The following SLC44A1 variants were observed in gnomAD, a reference collection of about 807,000 sequenced individuals.
The protein encoded by SLC44A1 is choline transporter-like protein 1.
SLC44A1 carries 26 observed loss-of-function variants against 79.3 expected under a neutral mutation model. The ratio of observed to expected loss-of-function variants is 0.33; its 90% CI spans 0.24 to 0.46. SLC44A1 has a LOEUF of 0.46. Ranked by LOEUF, SLC44A1 falls within the 20% of genes least tolerant of loss-of-function variation. The probability of loss-of-function intolerance (pLI) is 1.00; values close to 1 mark genes in which losing one functional copy is unlikely to be tolerated. For synonymous variants in SLC44A1, 263 were observed against 286.2 expected (o/e 0.92, Z 0.82); for missense variants, 688 against 798.1 (o/e 0.86, Z 1.66).
chr9:105,285,243 C>T (rs891315339), intron 1 of SLC44A1, among the ~76,000 whole-genome samples: 3 of 152,074 alleles, frequency 2.0e-5, no homozygotes, highest in Non-Finnish European at 2.9e-5. Flanking sequence ...AAGTGTTTTA[C>T]AGAATTTAGG....
chr9:105,263,554 G>A (rs74429277), intron 1 of SLC44A1, among the ~76,000 whole-genome samples: 1 of 71,306 alleles, frequency 1.4e-5, no homozygotes, highest in Admixed American at 1.5e-4. Flanking sequence ...TTTTTTTTTT[G>A]AGATGGAATT....
intron 2 of SLC44A1, chr9:105,299,603 C>T: frequency 3.6e-6 from 1 of 278,976 alleles, no homozygotes; most frequent in Non-Finnish European, 6.3e-6. Context: ...ATGAGCCCTG[C>T]ATATTCACCC....
chr9:105,315,007 C>G lies in SLC44A1; in HGVS notation c.269+5141C>G, dbSNP rs189650631. On this transcript the variant is annotated intron_variant, in intron 3 of 15. Transcript: ENST00000374720. ...CAGTCGGTGCTCTTCGCATCATACA[C>G]TAAAATAGATCTGGTGAGCTGTATG... is the stretch of plus-strand genomic sequence containing the variant. 5.1e-4 allele frequency among the ~76,000 whole-genome samples: 78 copies of G among 152,318 alleles called. 1 individual carries two copies. The highest frequency in any genetic ancestry group is 1.9e-3 in the African/African-American group (77 of 41,582).
intron 1 of SLC44A1, among the ~76,000 whole-genome samples, chr9:105,293,366 C>G (rs375635581): frequency 2.0e-4 from 30 of 152,304 alleles, no homozygotes; most frequent in African/African-American, 7.0e-4. Flanking sequence ...GCAGTAAGCA[C>G]AGAGTATGAA....
chr9:105,283,489 T>C (rs2131258464), intron 1 of SLC44A1, among the ~76,000 whole-genome samples: 1 of 152,144 alleles, frequency 6.6e-6, no homozygotes, highest in East Asian at 1.9e-4. Flanking sequence ...TTTATTTTGC[T>C]AGATTTAAAG....
At chr9:105,246,221 G>A (rs1829442676) in intron 1 of SLC44A1, among the ~76,000 whole-genome samples, 1 of 152,172 alleles carries the variant, frequency 6.6e-6, no homozygotes, top group Admixed American at 6.5e-5. Context: ...TTTTGCTGCT[G>A]CTAAATGACT....
intron 3 of SLC44A1, among the ~76,000 whole-genome samples, chr9:105,320,060 C>G (rs142254757): frequency 3.7e-4 from 56 of 152,138 alleles, no homozygotes; most frequent in Admixed American, 8.5e-4. Context: ...ATCTGCTTTT[C>G]GTAGTATAGT....
chr9:105,396,687 G>A lies in SLC44A1; in HGVS notation c.*7631G>A. 1.0e-6 allele frequency: 1 copy of A among 984,712 alleles called. No homozygotes were observed. Among genetic ancestry groups the A allele is most frequent in the Non-Finnish European group, 1.2e-6 (1 of 829,710 alleles). The allele number at this position is 984,712 out of a possible 1,614,324, so 61.0% of individuals were successfully genotyped here. ...AATGTGGCATGAGAAGTATGTTTTG[G>A]TGCCACATATTTCTCAATCTGATGC... is the stretch of plus-strand genomic sequence containing the variant. On this transcript the variant is annotated 3_prime_UTR_variant, in exon 16 of 16. Transcript: ENST00000374720.
chr9:105,370,617 T>C (rs1828066770), intron 12 of SLC44A1, among the ~76,000 whole-genome samples: 2 of 152,160 alleles, frequency 1.3e-5, no homozygotes, highest in Admixed American at 6.5e-5. Flanking sequence ...GAAATGAAGC[T>C]TCTAAAAACT....
chr9:105,400,131 G>A (rs35322610), downstream of SLC44A1, among the ~76,000 whole-genome samples: 2,356 of 152,180 alleles, frequency 0.015, 29 homozygotes, highest in Non-Finnish European at 0.024. Context: ...GGAGGCATAC[G>A]TTGCGGTGAG....
intron 1 of SLC44A1, among the ~76,000 whole-genome samples, chr9:105,297,515 C>T (rs921642864): frequency 2.0e-5 from 3 of 152,146 alleles, no homozygotes; most frequent in African/African-American, 4.8e-5. Context: ...TCCCAAGTAG[C>T]TGGGATTACT....
chr9:105,422,490 T>C (rs956899480), intron 15 of SLC44A1, among the ~76,000 whole-genome samples: 3 of 151,950 alleles, frequency 2.0e-5, no homozygotes, highest in African/African-American at 7.3e-5. Flanking sequence ...GGTTTCACCA[T>C]GTTGGCCAGG....
intron 6 of SLC44A1, among the ~76,000 whole-genome samples, chr9:105,357,769 C>T (rs1321129240): frequency 1.3e-5 from 2 of 152,098 alleles, no homozygotes; most frequent in Non-Finnish European, 2.9e-5. Context: ...AGAGGAAATT[C>T]GGCCATAGTA....
At chr9:105,431,663 C>T (rs1399314018) in intron 15 of SLC44A1, among the ~76,000 whole-genome samples, 2 of 152,028 alleles carry the variant, frequency 1.3e-5, no homozygotes, top group East Asian at 3.9e-4. Context: ...TCCATAGAGA[C>T]AAAAAGACAA....
At chr9:105,423,231 G>A (rs972897632) in intron 15 of SLC44A1, among the ~76,000 whole-genome samples, 2 of 151,936 alleles carry the variant, frequency 1.3e-5, no homozygotes, top group African/African-American at 2.4e-5. Context: ...ACCTGAGGTC[G>A]GGTGGGCGGA....
chr9:105,244,867 C>A lies in SLC44A1; in HGVS notation c.-2C>A, dbSNP rs1829387514. The A allele has an allele frequency of 8.7e-7, 1 of 1,155,432 alleles. No homozygotes were observed. Among genetic ancestry groups the A allele is most frequent in the Non-Finnish European group, 1.1e-6 (1 of 940,464 alleles). 71.6% of individuals were successfully genotyped at this position (1,155,432 alleles called of 1,614,324 possible). A position where few individuals can be genotyped will look rare whatever the true frequency, so the allele number is the denominator to read the frequency against. On this transcript the variant is annotated 5_prime_UTR_variant, in exon 1 of 16. Coordinates refer to ENST00000374720, the MANE Select transcript of SLC44A1 (RefSeq NM_080546.5). ...CCGCCTCCGGGCTCCTTCGGCCCCG[C>A]CATGGGCTGCTGCAGCTCCGCCTCC...
rs996705541 is a variant in SLC44A1, at chr9:105,396,846, G to T, written c.*7790G>T. ...AAGCCTTCCATGAATTCATAGTTTG[G>T]AATCATTTACCTTACCATTATTTTG... On this transcript the variant is annotated 3_prime_UTR_variant, in exon 16 of 16. Coordinates refer to ENST00000374720, the MANE Select transcript of SLC44A1 (RefSeq NM_080546.5). 1.0e-6 allele frequency: 1 copy of T among 984,708 alleles called. No homozygotes were observed. The highest frequency in any genetic ancestry group is 1.7e-5 in the African/African-American group (1 of 57,148). 61.0% of individuals were successfully genotyped at this position (984,708 alleles called of 1,614,324 possible).
rs753911103 is a variant in SLC44A1, at chr9:105,391,274, G to C, written c.*2218G>C. 49 of 985,664 alleles carry C rather than the reference G, an allele frequency of 5.0e-5. No individual in the cohort carries two copies. The highest frequency in any genetic ancestry group is 5.7e-5 in the Non-Finnish European group (47 of 829,914). The allele number at this position is 985,664 out of a possible 1,614,324, so 61.1% of individuals were successfully genotyped here. A position where few individuals can be genotyped will look rare whatever the true frequency, so the allele number is the denominator to read the frequency against. ...ATCTCAGCTATTTGGAAGCTACCAGGAATGCTTTCTAATTATCATTTGCAA... is the reference window on the plus strand; with the variant it reads ...ATCTCAGCTATTTGGAAGCTACCAGCAATGCTTTCTAATTATCATTTGCAA... On this transcript the variant is annotated 3_prime_UTR_variant, in exon 16 of 16. Transcript: ENST00000374720.
chr9:105,351,623 AG>A (rs879834973), intron 5 of SLC44A1, among the ~76,000 whole-genome samples: 775 of 71,344 alleles, frequency 0.011, 7 homozygotes, highest in African/African-American at 0.034. Context: ...AGAAAGAAAG[AG>A]AGAGAAAGAG....
Sources: allele counts gnomAD v4.1 joint callset (sites outside exome capture counted in the v4.1 genomes callset), GRCh38; gene constraint gnomAD v4.1.1; transcripts MANE v1.5; gene names NCBI Gene and HGNC (gene_info 2026-07-23, HGNC 2026-07-21).